PRKCZ: variants seen among roughly 807,000 people sequenced by gnomAD.
PRKCZ encodes the protein protein kinase C zeta type.
A neutral mutation model predicts 79.5 loss-of-function variants in PRKCZ; 33 were observed. That is an observed-to-expected ratio of 0.41 (90% CI 0.31 to 0.55). The LOEUF (loss-of-function observed/expected upper bound fraction) is 0.55, where lower values mean the gene tolerates loss of function less well. Among genes scored for constraint, PRKCZ ranks in the 20% least tolerant of loss-of-function variants. PRKCZ has a pLI of 0.19. For missense variants in PRKCZ, 578 were observed against 813.5 expected (o/e 0.71, Z 3.52); for synonymous variants, 342 against 320.9 (o/e 1.07, Z -0.70).
At chr1:2,119,743 C>T (rs1557606629) in intron 4 of PRKCZ, among the ~76,000 whole-genome samples, 1 of 151,784 alleles carries the variant, frequency 6.6e-6, no homozygotes, top group Non-Finnish European at 1.5e-5. Context: ...TTTAGTATTC[C>T]TTTCAGCACA....
intron 5 of PRKCZ, among the ~76,000 whole-genome samples, chr1:2,137,870 G>A (rs992888512): frequency 1.6e-4 from 25 of 152,302 alleles, no homozygotes; most frequent in African/African-American, 5.8e-4. Flanking sequence ...TGCTGTGGAG[G>A]TACAGCCCTT....
chr1:2,164,890 C>T (rs981141195), intron 10 of PRKCZ, among the ~76,000 whole-genome samples: 1 of 152,130 alleles, frequency 6.6e-6, no homozygotes. Flanking sequence ...CACGGCTGCA[C>T]CCTGCCTTGC....
At chr1:2,148,068 A>G (rs867907978) in intron 7 of PRKCZ, among the ~76,000 whole-genome samples, 1 of 148,896 alleles carries the variant, frequency 6.7e-6, no homozygotes, top group African/African-American at 2.5e-5. Context: ...CTCTCCATCT[A>G]TCCATCCATC....
intron 7 of PRKCZ, 107 bp from the exon 8 acceptor site, chr1:2,148,765 A>T: frequency 9.0e-7 from 1 of 1,114,596 alleles, no homozygotes; most frequent in Non-Finnish European, 1.3e-6. Flanking sequence ...GTGTGGATTC[A>T]CCCTTCACCG....
rs575726245 is a variant in PRKCZ, at chr1:2,174,457, G to A, written c.1406-297G>A. Among the ~76,000 whole-genome samples the A allele has an allele frequency of 2.6e-5, 4 of 152,350 alleles. No homozygotes were observed. Among genetic ancestry groups the A allele is most frequent in the South Asian group, 4.1e-4 (2 of 4,834 alleles). The stretch of plus-strand genomic sequence containing the variant: ...GATCTGGGAACGCGGCTGTCTCCGC[G>A]GTGCCCTCTGGTGGCCAGCCTGCAG... On this transcript the variant is annotated intron_variant, in intron 14 of 17. Coordinates refer to ENST00000378567, the MANE Select transcript of PRKCZ (RefSeq NM_002744.6). The surrounding 1 kb of genome is among the most constrained non-coding windows in gnomAD (Gnocchi z 6.2).
chr1:2,155,944 C>T (rs774977566), intron 9 of PRKCZ, 51 bp from the exon 10 acceptor site: 1 of 1,523,520 alleles, frequency 6.6e-7, no homozygotes, highest in Non-Finnish European at 9.1e-7. Context: ...CCCAGGATGC[C>T]TGTGAGGAGC....
intron 4 of PRKCZ, chr1:2,073,827 G>A (rs1661878670): frequency 5.8e-6 from 6 of 1,035,534 alleles, no homozygotes; most frequent in Admixed American, 5.2e-5. Flanking sequence ...GAGGCGAGCC[G>A]ACGCAGCATC....
At chr1:2,110,438 G>A (rs1460196093) in intron 4 of PRKCZ, among the ~76,000 whole-genome samples, 1 of 152,068 alleles carries the variant, frequency 6.6e-6, no homozygotes. Flanking sequence ...TGGCAGCCCC[G>A]TGGCTCCTGG....
intron 4 of PRKCZ, chr1:2,111,860 A>G (rs975940190): frequency 6.6e-6 from 1 of 152,234 alleles, no homozygotes; most frequent in Non-Finnish European, 1.5e-5. Context: ...CCGACCGTCC[A>G]TCCACCACCA....
At chr1:2,169,043 C>G (rs1300853872) in intron 10 of PRKCZ, 1 of 415,174 alleles carries the variant, frequency 2.4e-6, no homozygotes, top group African/African-American at 2.0e-5. Context: ...AGCTTGTTCC[C>G]TTGGAGGGCC....
intron 7 of PRKCZ, among the ~76,000 whole-genome samples, chr1:2,147,969 C>G (rs1679000820): frequency 6.6e-6 from 1 of 150,888 alleles, no homozygotes; most frequent in Non-Finnish European, 1.5e-5. Context: ...ACCTCTCCAT[C>G]TATCCATCTA....
At chr1:2,057,225 GC>G (rs1359254862) in intron 3 of PRKCZ, among the ~76,000 whole-genome samples, 5 of 152,280 alleles carry the variant, frequency 3.3e-5, no homozygotes, top group African/African-American at 1.2e-4. Context: ...TAAGTTCAAA[GC>G]CCCATGATGA....
At chr1:2,108,704 G>T (rs1669096280) in intron 4 of PRKCZ, among the ~76,000 whole-genome samples, 1 of 152,222 alleles carries the variant, frequency 6.6e-6, no homozygotes, top group Admixed American at 6.5e-5. Context: ...GAGGCTGTCT[G>T]ATGTGCTCCC....
At chr1:2,171,784 T>C (rs1684487453) in intron 11 of PRKCZ, 2 of 453,376 alleles carry the variant, frequency 4.4e-6, no homozygotes, top group East Asian at 4.1e-5. Context: ...TGTCGTGTTA[T>C]TTGCCCGCTC....
chr1:2,082,492 G>A lies in PRKCZ; in HGVS notation c.334+22901G>A, dbSNP rs1217240648. 2.2e-6 allele frequency: 1 copy of A among 445,482 alleles called. No individual in the cohort carries two copies. Among genetic ancestry groups the A allele is most frequent in the Non-Finnish European group, 4.5e-6 (1 of 221,168 alleles). 27.6% of individuals were successfully genotyped at this position (445,482 alleles called of 1,614,324 possible). On this transcript the variant is annotated intron_variant, in intron 4 of 17. Transcript: ENST00000378567. The surrounding 1 kb of genome is among the most constrained non-coding windows in gnomAD (Gnocchi z 4.4). ...GTAAGATCACGTCCGCGTTCCTAGC[G>A]ACCGGTTTTGTGATGTGGGCAGTGC... is the stretch of plus-strand genomic sequence containing the variant.
intron 4 of PRKCZ, among the ~76,000 whole-genome samples, chr1:2,108,970 C>T (rs1669161071): frequency 6.6e-6 from 1 of 152,188 alleles, no homozygotes; most frequent in East Asian, 1.9e-4. Flanking sequence ...CCGCCTGCCC[C>T]TTGGTGCAGC....
chr1:2,161,213 C>T (rs1682226870), intron 10 of PRKCZ, among the ~76,000 whole-genome samples: 1 of 152,238 alleles, frequency 6.6e-6, no homozygotes, highest in Non-Finnish European at 1.5e-5. Flanking sequence ...CAGCGGCCCC[C>T]TGATTTGCTC....
chr1:2,070,482 C>T (rs757846012), intron 4 of PRKCZ, among the ~76,000 whole-genome samples: 15 of 152,186 alleles, frequency 9.9e-5, no homozygotes, highest in African/African-American at 2.4e-4. Flanking sequence ...ATTCCCTGCT[C>T]AGCCCCTGAA....
At chr1:2,091,685 G>A (rs1417722323) in intron 4 of PRKCZ, among the ~76,000 whole-genome samples, 1 of 152,150 alleles carries the variant, frequency 6.6e-6, no homozygotes. Context: ...TCCTTTGCCC[G>A]TTTTGTAATT....
Sources: allele counts gnomAD v4.1 joint callset (sites outside exome capture counted in the v4.1 genomes callset), GRCh38; gene constraint gnomAD v4.1.1; non-coding constraint Gnocchi (gnomAD v3.1); transcripts MANE v1.5; gene names NCBI Gene and HGNC (gene_info 2026-07-23, HGNC 2026-07-21).